CCDC146: variants seen among roughly 807,000 people sequenced by gnomAD.
The protein encoded by CCDC146 is coiled-coil domain containing 146.
CCDC146 carries 92 observed loss-of-function variants against 119.3 expected under a neutral mutation model. The observed-to-expected ratio is 0.77, with a 90% CI of 0.65 to 0.92. The LOEUF is 0.92. Ranked by LOEUF, CCDC146 falls within the 40% of genes least tolerant of loss-of-function variation. The pLI is 0.00. For synonymous variants in CCDC146, 372 were observed against 371.8 expected (o/e 1.00, Z -0.01); for missense variants, 1,000 against 1,103.0 (o/e 0.91, Z 1.32).
intron 2 of CCDC146, among the ~76,000 whole-genome samples, chr7:77,221,051 A>G (rs1201063288): frequency 1.3e-5 from 2 of 152,312 alleles, no homozygotes; most frequent in East Asian, 3.9e-4. Flanking sequence ...CAGGAACACA[A>G]GCAAGAGAGA....
At chr7:77,209,635 C>A (rs1267616275) in intron 2 of CCDC146, among the ~76,000 whole-genome samples, 1 of 152,244 alleles carries the variant, frequency 6.6e-6, no homozygotes, top group Admixed American at 6.5e-5. Flanking sequence ...TTGCCCTGAA[C>A]TGCCATAGTA....
intron 5 of CCDC146, among the ~76,000 whole-genome samples, chr7:77,256,057 TGTA>T (rs895412085): frequency 2.9e-4 from 44 of 152,194 alleles, no homozygotes; most frequent in African/African-American, 9.9e-4. Context: ...CGTTTTTAAA[TGTA>T]GGAGGATAGA....
intron 2 of CCDC146, chr7:77,194,775 C>A (rs138690543): frequency 6.6e-6 from 1 of 152,198 alleles, no homozygotes; most frequent in Admixed American, 6.5e-5. Context: ...TACTCTAGAG[C>A]ATTTTTAAAA....
chr7:77,165,001 A>G (rs1291821968), intron 1 of CCDC146, among the ~76,000 whole-genome samples: 1 of 152,206 alleles, frequency 6.6e-6, no homozygotes, highest in African/African-American at 2.4e-5. Context: ...TATTCTGTTG[A>G]TTCAGTGAAG....
intron 9 of CCDC146, among the ~76,000 whole-genome samples, chr7:77,267,525 C>CT (rs74781634): frequency 1.3e-5 from 2 of 149,698 alleles, no homozygotes; most frequent in Admixed American, 6.6e-5. Flanking sequence ...TAGACTTGAT[C>CT]TTTTTTTTTT....
chr7:77,268,551 C>T (rs1793450914), intron 9 of CCDC146, among the ~76,000 whole-genome samples: 1 of 152,194 alleles, frequency 6.6e-6, no homozygotes, highest in African/African-American at 2.4e-5. Context: ...CACCTCTCTT[C>T]CGACTCTATT....
intron 2 of CCDC146, among the ~76,000 whole-genome samples, chr7:77,169,382 A>T (rs1021884108): frequency 6.6e-6 from 1 of 152,222 alleles, no homozygotes; most frequent in Non-Finnish European, 1.5e-5. Context: ...TTTGAAATTA[A>T]TAAGCACCTC....
rs751106700 is a variant in CCDC146 at position 77,286,912 on chromosome 7, C to T, written c.2263C>T (p.Gln755Ter). 17 of 1,613,808 alleles carry T rather than the reference C, an allele frequency of 1.1e-5. No individual in the cohort carries two copies. Among genetic ancestry groups the T allele is most frequent in the Non-Finnish European group, 1.4e-5 (16 of 1,179,938 alleles). ...GKDLTEKEMIQKLDKLELQLA... is the reference protein window; with the variant it reads ...GKDLTEKEMI ...AGATCTGACCGAAAAAGAAATGATCCAAAAATTAGACAAGGTAAACATTAT... is the reference window on the plus strand; with the variant it reads ...AGATCTGACCGAAAAAGAAATGATCTAAAAATTAGACAAGGTAAACATTAT... The change falls in exon 16 of 19, where the codon CAA (glutamine) becomes TAA (stop). Residue 755 changes from glutamine to a stop codon, truncating the protein, a stop_gained. Transcript: ENST00000285871. LOFTEE classifies it high-confidence loss of function.
chr7:77,227,416 C>T (rs1275687308), intron 2 of CCDC146, among the ~76,000 whole-genome samples: 1 of 152,224 alleles, frequency 6.6e-6, no homozygotes, highest in African/African-American at 2.4e-5. Flanking sequence ...TGCCATTCTC[C>T]TGCCTCAGCC....
At chr7:77,214,964 C>A (rs529969630) in intron 2 of CCDC146, among the ~76,000 whole-genome samples, 2 of 152,192 alleles carry the variant, frequency 1.3e-5, no homozygotes, top group East Asian at 1.9e-4. Flanking sequence ...TTGCCTGGGT[C>A]TATTAATTCA....
At chr7:77,283,508 T>G (rs1229972525) in intron 15 of CCDC146, among the ~76,000 whole-genome samples, 4 of 152,148 alleles carry the variant, frequency 2.6e-5, no homozygotes, top group Non-Finnish European at 5.9e-5. Flanking sequence ...TATTTTTTTT[T>G]AAATGTCAGG....
intron 2 of CCDC146, chr7:77,199,918 T>C (rs1198367355): frequency 6.8e-6 from 8 of 1,171,952 alleles, no homozygotes; most frequent in Non-Finnish European, 3.6e-6. Flanking sequence ...TCACAAGTTT[T>C]AGAAACGCAC....
Position 77,282,668 on chromosome 7 carries a change from A to G in CCDC146, c.2031A>G (p.Glu677=), listed in dbSNP as rs1432461285. 6.2e-7 allele frequency: 1 copy of G among 1,613,600 alleles called. No individual in the cohort carries two copies. Among genetic ancestry groups the G allele is most frequent in the Admixed American group, 1.7e-5 (1 of 60,016 alleles). Residue 677 remains glutamate (E), a synonymous_variant, in exon 15 of 19, where the codon GAA becomes GAG. Coordinates refer to ENST00000285871, the MANE Select transcript of CCDC146 (RefSeq NM_020879.3). Reference sequence around the variant, plus strand: ...AAATTGAAATACATCTACTGGAAGAAAAGATCCAATTCCTGAAAATGAAGA... The same window carrying G: ...AAATTGAAATACATCTACTGGAAGAGAAGATCCAATTCCTGAAAATGAAGA... The part of the protein sequence containing the change: ...NGEIEIHLLE[E]KIQFLKMKIA...
At chr7:77,172,199 C>T (rs1225763995) in intron 2 of CCDC146, among the ~76,000 whole-genome samples, 1 of 152,176 alleles carries the variant, frequency 6.6e-6, no homozygotes, top group African/African-American at 2.4e-5. Flanking sequence ...GATATTGTTC[C>T]TAATTGGCAT....
intron 2 of CCDC146, chr7:77,195,275 T>C (rs1308773570): frequency 6.6e-6 from 1 of 152,086 alleles, no homozygotes; most frequent in East Asian, 1.9e-4. Flanking sequence ...TTAAAGCAGT[T>C]TTCAACATCA....
At chr7:77,242,454 T>G (rs1792868341) in intron 4 of CCDC146, 1 of 908,184 alleles carries the variant, frequency 1.1e-6, no homozygotes, top group Non-Finnish European at 1.3e-6. Flanking sequence ...GAAGACACAT[T>G]TACTTATCCA....
intron 2 of CCDC146, among the ~76,000 whole-genome samples, chr7:77,172,867 G>A (rs1433779087): frequency 1.3e-5 from 2 of 152,130 alleles, no homozygotes. Context: ...ACTGCACTTT[G>A]CAACCCCTGG....
At chr7:77,266,923 G>T (rs1793415637) in intron 9 of CCDC146, among the ~76,000 whole-genome samples, 1 of 151,862 alleles carries the variant, frequency 6.6e-6, no homozygotes, top group African/African-American at 2.4e-5. Context: ...AAAGCAAACA[G>T]GTTTCATCTC....
intron 2 of CCDC146, among the ~76,000 whole-genome samples, chr7:77,206,489 T>C (rs373974355): frequency 2.0e-5 from 3 of 151,932 alleles, no homozygotes; most frequent in African/African-American, 7.3e-5. Context: ...GTGGTGTGTG[T>C]CTGTAATGCA....
Sources: gnomAD v4.1 joint callset for allele counts (sites outside exome capture counted in the v4.1 genomes callset) on GRCh38, gnomAD v4.1.1 for gene constraint, MANE v1.5 for transcripts, NCBI Gene and HGNC (gene_info 2026-07-23, HGNC 2026-07-21) for gene names.